Variants in WDPCP observed in about 807,000 individuals in gnomAD.
The protein encoded by WDPCP is WD repeat containing planar cell polarity effector.
In WDPCP, 71 loss-of-function variants were observed where a neutral mutation model predicts 93.1. The observed-to-expected ratio is 0.76, with a 90% CI of 0.63 to 0.93. The LOEUF is 0.93. Ranked by LOEUF, WDPCP falls within the 40% of genes least tolerant of loss-of-function variation. The probability of loss-of-function intolerance (pLI) is 0.00; values close to 1 mark genes in which losing one functional copy is unlikely to be tolerated. For missense variants in WDPCP, 844 were observed against 887.4 expected (o/e 0.95, Z 0.62); for synonymous variants, 315 against 315.0 (o/e 1.00, Z 0.00).
At chr2:63,360,401 C>T (rs1346981926) in intron 12 of WDPCP, among the ~76,000 whole-genome samples, 1 of 152,172 alleles carries the variant, frequency 6.6e-6, no homozygotes, top group African/African-American at 2.4e-5. Flanking sequence ...CTTCCAGAAA[C>T]CCTTGTTGGT....
intron 3 of WDPCP, among the ~76,000 whole-genome samples, chr2:63,605,060 A>T (rs772094400): frequency 9.2e-5 from 14 of 152,294 alleles, no homozygotes; most frequent in South Asian, 4.1e-4. Flanking sequence ...TTATACCAAG[A>T]TCCATGTCTT....
At chr2:63,821,874 T>C (rs1671023721) in intron 1 of WDPCP, among the ~76,000 whole-genome samples, 1 of 152,108 alleles carries the variant, frequency 6.6e-6, no homozygotes, top group Non-Finnish European at 1.5e-5. Context: ...ACTTAAGGTA[T>C]GAAGTTAAGT....
rs559317786 is a variant in WDPCP at position 63,752,019 on chromosome 2, A to G, written n.308+61603T>C. On this transcript the variant is annotated intron_variant and non_coding_transcript_variant, in intron 2 of 4. Transcript: ENST00000467687. ...CATTTCCACTGAAACAACCTCCACA[A>G]CCAACACCAAAGTTTCCAGAACCAC... 112 of 625,192 alleles carry G rather than the reference A, an allele frequency of 1.8e-4. No homozygotes were observed. The African/African-American group carries it at 1.8e-3, about 10-fold the overall frequency. The allele number at this position is 625,192 out of a possible 1,614,324, so 38.7% of individuals were successfully genotyped here. A position where few individuals can be genotyped will look rare whatever the true frequency, so the allele number is the denominator to read the frequency against.
intron 14 of WDPCP, among the ~76,000 whole-genome samples, chr2:63,193,960 C>T (rs2104257006): frequency 6.6e-6 from 1 of 152,234 alleles, no homozygotes; most frequent in South Asian, 2.1e-4. Context: ...ATGACTTCTA[C>T]TTACTGGTAA....
intron 12 of WDPCP, among the ~76,000 whole-genome samples, chr2:63,322,342 T>C (rs896939423): frequency 6.6e-6 from 1 of 152,232 alleles, no homozygotes; most frequent in African/African-American, 2.4e-5. Flanking sequence ...GAGCCAGCAG[T>C]GGCAACCCGC....
At chr2:63,433,226 G>C (rs1175031730) in intron 9 of WDPCP, among the ~76,000 whole-genome samples, 1 of 152,174 alleles carries the variant, frequency 6.6e-6, no homozygotes, top group African/African-American at 2.4e-5. Context: ...TGGCACGACA[G>C]GGCCTTACAC....
At chr2:63,662,160 C>CA (rs1440763484) in intron 2 of WDPCP, among the ~76,000 whole-genome samples, 1 of 152,040 alleles carries the variant, frequency 6.6e-6, no homozygotes, top group Admixed American at 6.6e-5. Flanking sequence ...GTACAGAGTA[C>CA]AAATTATTAG....
At chr2:63,318,394 A>C (rs994561640) in intron 12 of WDPCP, among the ~76,000 whole-genome samples, 1 of 152,224 alleles carries the variant, frequency 6.6e-6, no homozygotes, top group Non-Finnish European at 1.5e-5. Flanking sequence ...ACTACTATTC[A>C]ACCCAGCAAT....
intron 1 of WDPCP, among the ~76,000 whole-genome samples, chr2:63,818,256 G>C (rs1670968766): frequency 6.6e-6 from 1 of 152,204 alleles, no homozygotes; most frequent in Non-Finnish European, 1.5e-5. Flanking sequence ...TTATTAAAAG[G>C]ATCTAAGCTG....
chr2:63,186,730 A>G (rs1480966937), intron 14 of WDPCP, among the ~76,000 whole-genome samples: 1 of 149,844 alleles, frequency 6.7e-6, no homozygotes, highest in Non-Finnish European at 1.5e-5. Flanking sequence ...CTCACCTTTT[A>G]TTTTCCAGGA....
the WDPCP span, among the ~76,000 whole-genome samples, chr2:63,838,644 T>G: frequency 6.6e-6 from 1 of 152,138 alleles, no homozygotes; most frequent in Non-Finnish European, 1.5e-5. Context: ...TGATACAGAT[T>G]ATCAACATCA....
intron 2 of WDPCP, among the ~76,000 whole-genome samples, chr2:63,710,275 C>T (rs1171007369): frequency 2.0e-5 from 3 of 152,164 alleles, no homozygotes; most frequent in African/African-American, 7.2e-5. Context: ...GCTTCCTCCC[C>T]ACCAGGGTGC....
chr2:63,640,540 T>C (rs1005608532), intron 3 of WDPCP, among the ~76,000 whole-genome samples: 1 of 152,206 alleles, frequency 6.6e-6, no homozygotes, highest in Admixed American at 6.5e-5. Flanking sequence ...AGTGTTTATA[T>C]AGTTTTCTTT....
At chr2:63,134,208 T>C (rs1670469394) in intron 17 of WDPCP, among the ~76,000 whole-genome samples, 1 of 152,204 alleles carries the variant, frequency 6.6e-6, no homozygotes, top group Admixed American at 6.5e-5. Flanking sequence ...CAAATCCTTG[T>C]TATTTTGCCC....
intron 1 of WDPCP, among the ~76,000 whole-genome samples, chr2:63,817,292 T>C (rs555129576): frequency 6.6e-6 from 1 of 152,196 alleles, no homozygotes; most frequent in African/African-American, 2.4e-5. Flanking sequence ...GTCTTTTTAG[T>C]AGAGATGGGG....
intron 2 of WDPCP, among the ~76,000 whole-genome samples, chr2:63,492,475 C>CT (rs900021465): frequency 2.6e-4 from 39 of 147,434 alleles, no homozygotes; most frequent in South Asian, 1.1e-3. Flanking sequence ...GAATATGTAT[C>CT]TTTTTTTTTT....
chr2:63,684,816 T>C (rs1668783838), intron 2 of WDPCP: 2 of 359,022 alleles, frequency 5.6e-6, no homozygotes, highest in South Asian at 2.8e-5. Context: ...TCAATAATAA[T>C]AGGAATTTTG....
At chr2:63,222,720 T>C (rs1677943994) in intron 14 of WDPCP, among the ~76,000 whole-genome samples, 1 of 152,210 alleles carries the variant, frequency 6.6e-6, no homozygotes, top group Non-Finnish European at 1.5e-5. Context: ...TTTACTGTGA[T>C]TTTGTGTACA....
chr2:63,479,052 A>G (rs1346273679), intron 6 of WDPCP, among the ~76,000 whole-genome samples: 2 of 152,076 alleles, frequency 1.3e-5, no homozygotes, highest in African/African-American at 2.4e-5. Flanking sequence ...CAAGGCTACT[A>G]TGAACACCTT....
Sources: gnomAD v4.1 joint callset for allele counts (sites outside exome capture counted in the v4.1 genomes callset) on GRCh38, gnomAD v4.1.1 for gene constraint, MANE v1.5 for transcripts, NCBI Gene and HGNC (gene_info 2026-07-23, HGNC 2026-07-21) for gene names.